ULK2: variants seen among roughly 807,000 people sequenced by gnomAD.
ULK2 encodes unc-51 like autophagy activating kinase 2, also known as serine/threonine-protein kinase ULK2.
In ULK2, 76 loss-of-function variants were observed where a neutral mutation model predicts 127.5. That is an observed-to-expected ratio of 0.60 (90% CI 0.50 to 0.72). The LOEUF is 0.72. Ranked by LOEUF, ULK2 falls within the 30% of genes least tolerant of loss-of-function variation. ULK2 has a pLI of 0.00. For missense variants in ULK2, 1,144 were observed against 1,295.9 expected, an observed-to-expected ratio of 0.88 and a Z score of 1.80; for synonymous variants, 452 against 461.9, an observed-to-expected ratio of 0.98 and a Z score of 0.28.
rs1328076878 is a variant in ULK2, at chr17:19,774,369, T to C, written c.*1980A>G. ...TAACTTGAAAGTCACAAAGCATGGC[T>C]TGACCACTTGCCTAGTTCCTGACTT... is the stretch of plus-strand genomic sequence containing the variant. On this transcript the variant is annotated 3_prime_UTR_variant, in exon 27 of 27. Coordinates refer to ENST00000395544, the MANE Select transcript of ULK2 (RefSeq NM_014683.4). The C allele has an allele frequency of 6.6e-6, 1 of 152,260 alleles. No homozygotes were observed. Among genetic ancestry groups the C allele is most frequent in the Non-Finnish European group, 1.5e-5 (1 of 68,050 alleles). The allele number at this position is 152,260 out of a possible 1,614,324, so 9.4% of individuals were successfully genotyped here. A position where few individuals can be genotyped will look rare whatever the true frequency, so the allele number is the denominator to read the frequency against.
intron 9 of ULK2, chr17:19,840,391 TG>T (rs759168058): frequency 2.3e-5 from 12 of 519,142 alleles, no homozygotes; most frequent in African/African-American, 3.9e-5. Context: ...AACTCACTCT[TG>T]GGCGCTCTGT....
At chr17:19,804,222 G>T (rs1172137850) in intron 15 of ULK2, among the ~76,000 whole-genome samples, 1 of 102,620 alleles carries the variant, frequency 9.7e-6, no homozygotes, top group Non-Finnish European at 2.1e-5. Flanking sequence ...GTCTCTAAAA[G>T]CACAAAAGAA....
intron 3 of ULK2, among the ~76,000 whole-genome samples, chr17:19,860,219 T>C (rs1365353002): frequency 6.6e-6 from 1 of 152,234 alleles, no homozygotes; most frequent in Non-Finnish European, 1.5e-5. Flanking sequence ...ATTCACACAG[T>C]ATTTGATTAA....
chr17:19,827,961 C>T (rs941639379), intron 10 of ULK2, among the ~76,000 whole-genome samples: 11 of 149,266 alleles, frequency 7.4e-5, no homozygotes, highest in Non-Finnish European at 1.5e-4. Context: ...ACTGATGAGA[C>T]CCACACAGAG....
intron 20 of ULK2, among the ~76,000 whole-genome samples, chr17:19,794,923 A>C (rs2087233872): frequency 6.6e-6 from 1 of 151,964 alleles, no homozygotes; most frequent in Non-Finnish European, 1.5e-5. Context: ...CTAAAAATAC[A>C]AAAAAATTAG....
chr17:19,789,918 A>C (rs1224106371), intron 20 of ULK2, among the ~76,000 whole-genome samples: 4 of 151,788 alleles, frequency 2.6e-5, no homozygotes, highest in Admixed American at 6.6e-5. Context: ...GCCAAAAAAA[A>C]AAAAAAACAA....
chr17:19,851,326 C>CAAAAAAAAAAA (rs554643908), intron 3 of ULK2, among the ~76,000 whole-genome samples: 4 of 41,052 alleles, frequency 9.7e-5, no homozygotes, highest in African/African-American at 3.7e-4. Context: ...GACTTCCCCT[C>CAAAAAAAAAAA]AAAAAAAAAA....
At chr17:19,788,472 G>A (rs2087083152) in intron 20 of ULK2, among the ~76,000 whole-genome samples, 1 of 151,822 alleles carries the variant, frequency 6.6e-6, no homozygotes, top group Non-Finnish European at 1.5e-5. Context: ...AGCCAGAAGT[G>A]AACTCACTGG....
chr17:19,826,057 T>C (rs2041288171), intron 11 of ULK2, 82 bp downstream of exon 11: 4 of 600,920 alleles, frequency 6.7e-6, no homozygotes, highest in Non-Finnish European at 1.1e-5. Context: ...CAATAAAAGA[T>C]GAATTTTGTA....
intron 20 of ULK2, among the ~76,000 whole-genome samples, chr17:19,793,442 T>C (rs899727356): frequency 6.6e-6 from 1 of 152,212 alleles, no homozygotes; most frequent in Non-Finnish European, 1.5e-5. Flanking sequence ...GACCACTGAA[T>C]AGCCCATCCA....
At chr17:19,823,126 A>ACTTT (rs539589861) in intron 12 of ULK2, among the ~76,000 whole-genome samples, 3 of 113,148 alleles carry the variant, frequency 2.7e-5, no homozygotes, top group South Asian at 2.8e-4. Flanking sequence ...ACGCCTGGCT[A>ACTTT]TTTTTTTTTT....
At chr17:19,779,707 G>A (rs1044409196) in intron 25 of ULK2, among the ~76,000 whole-genome samples, 1 of 151,896 alleles carries the variant, frequency 6.6e-6, no homozygotes, top group Non-Finnish European at 1.5e-5. Flanking sequence ...GGAAAAGAAG[G>A]TTTTACTTTG....
chr17:19,861,074 A>G (rs530326538), intron 3 of ULK2: 1 of 152,214 alleles, frequency 6.6e-6, no homozygotes, highest in Non-Finnish European at 1.5e-5. Context: ...CAAAAAAAAA[A>G]AGAAAAACAA....
chr17:19,814,456 T>TGTTGTTGTTGTTTGTTTG (rs71157834), intron 13 of ULK2, among the ~76,000 whole-genome samples: 2 of 18,258 alleles, frequency 1.1e-4, no homozygotes, highest in African/African-American at 3.7e-4. Flanking sequence ...TTTTTTTTTT[T>TGTTGTTGTTGTTTGTTTG]TTTTTTTGGA....
chr17:19,839,381 C>T (rs2041679491), intron 9 of ULK2, among the ~76,000 whole-genome samples: 1 of 151,996 alleles, frequency 6.6e-6, no homozygotes, highest in Admixed American at 6.6e-5. Context: ...AGATATTAAA[C>T]AGGCTGGGCA....
intron 26 of ULK2, among the ~76,000 whole-genome samples, chr17:19,776,636 G>A (rs1179172386): frequency 6.6e-6 from 1 of 152,074 alleles, no homozygotes; most frequent in Non-Finnish European, 1.5e-5. Flanking sequence ...AATACTCTTA[G>A]AACTGCCATC....
At position 19,776,202 on chromosome 17, in the gene ULK2, T is replaced by C; in HGVS notation, c.*147A>G. 1.6e-6 allele frequency: 1 copy of C among 642,032 alleles called. No homozygotes were observed. The highest frequency in any genetic ancestry group is 2.5e-6 in the Non-Finnish European group (1 of 400,470). 39.8% of individuals were successfully genotyped at this position (642,032 alleles called of 1,614,324 possible). The stretch of plus-strand genomic sequence containing the variant: ...ACAAATATGTAGTTTTTGGATTGTT[T>C]TTCCTTTTTCAAATCACTGCTTGTT... On this transcript the variant is annotated 3_prime_UTR_variant, in exon 27 of 27. Coordinates refer to ENST00000395544, the MANE Select transcript of ULK2 (RefSeq NM_014683.4).
At chr17:19,856,692 G>T (rs559656795) in intron 3 of ULK2, among the ~76,000 whole-genome samples, 1 of 151,650 alleles carries the variant, frequency 6.6e-6, no homozygotes, top group South Asian at 2.1e-4. Context: ...GAGTTTTACG[G>T]CCGGGTGCAG....
At chr17:19,858,592 T>C (rs1237444007) in intron 3 of ULK2, among the ~76,000 whole-genome samples, 1 of 151,556 alleles carries the variant, frequency 6.6e-6, no homozygotes, top group African/African-American at 2.4e-5. Context: ...CTATGCATCA[T>C]AGGACAGCAA....
Sources: gnomAD v4.1 joint callset for allele counts (sites outside exome capture counted in the v4.1 genomes callset) on GRCh38, gnomAD v4.1.1 for gene constraint, MANE v1.5 for transcripts, NCBI Gene and HGNC (gene_info 2026-07-23, HGNC 2026-07-21) for gene names.